The following CPNE8 variants were observed in gnomAD, a reference collection of about 807,000 sequenced individuals.
The protein encoded by CPNE8 is copine-8.
CPNE8 carries 45 observed loss-of-function variants against 81.5 expected under a neutral mutation model. That is an observed-to-expected ratio of 0.55 (90% CI 0.44 to 0.71). The LOEUF (loss-of-function observed/expected upper bound fraction) is 0.71. Among genes scored for constraint, CPNE8 ranks in the 30% least tolerant of loss-of-function variants. The probability of loss-of-function intolerance (pLI) is 0.00; values close to 1 mark genes in which losing one functional copy is unlikely to be tolerated. For missense variants in CPNE8, 594 were observed against 672.1 expected (o/e 0.88, Z 1.28); for synonymous variants, 252 against 226.3 (o/e 1.11, Z -1.02).
At chr12:38,802,770 A>G (rs1278615727) in intron 6 of CPNE8, among the ~76,000 whole-genome samples, 15 of 146,022 alleles carry the variant, frequency 1.0e-4, no homozygotes, top group Admixed American at 1.0e-3. Context: ...CAAGACTAAT[A>G]AAGAAAAAAA....
chr12:38,702,859 TA>T lies in CPNE8; in HGVS notation c.961+15del. ...ATTGCTGATGATTTTTATCAGGGGATAATCAAAACACTCACCGTTTGATGCT... is the reference window on the plus strand; with the variant it reads ...ATTGCTGATGATTTTTATCAGGGGATATCAAAACACTCACCGTTTGATGCT... On this transcript the variant is annotated intron_variant, in intron 14 of 19. Transcript: ENST00000331366. 1 of 1,476,898 alleles carries T rather than the reference TA, an allele frequency of 6.8e-7. No individual in the cohort carries two copies. Among genetic ancestry groups the T allele is most frequent in the Non-Finnish European group, 9.2e-7 (1 of 1,091,138 alleles). 91.5% of individuals were successfully genotyped at this position (1,476,898 alleles called of 1,614,324 possible).
At chr12:38,663,504 T>C (rs1939003227) in intron 19 of CPNE8, among the ~76,000 whole-genome samples, 1 of 151,870 alleles carries the variant, frequency 6.6e-6, no homozygotes, top group Non-Finnish European at 1.5e-5. Flanking sequence ...GACAAAAATG[T>C]CAAATATTGA....
chr12:38,662,469 T>C (rs747021003), intron 19 of CPNE8, among the ~76,000 whole-genome samples: 1 of 152,080 alleles, frequency 6.6e-6, no homozygotes, highest in Admixed American at 6.6e-5. Context: ...ATAAAAACTA[T>C]AAACCACTGA....
intron 10 of CPNE8, among the ~76,000 whole-genome samples, chr12:38,731,215 G>C (rs1940823581): frequency 6.6e-6 from 1 of 151,930 alleles, no homozygotes; most frequent in African/African-American, 2.4e-5. Flanking sequence ...ACAGATTGTA[G>C]GAGTGAAAGC....
chr12:38,712,671 T>C (rs550665356), intron 13 of CPNE8, among the ~76,000 whole-genome samples: 19 of 152,346 alleles, frequency 1.2e-4, no homozygotes, highest in African/African-American at 4.3e-4. Flanking sequence ...AGAAGCCCAC[T>C]TTAGCCTTTA....
chr12:38,877,443 T>G (rs1944083550), intron 1 of CPNE8, among the ~76,000 whole-genome samples: 2 of 152,056 alleles, frequency 1.3e-5, no homozygotes, highest in Non-Finnish European at 2.9e-5. Flanking sequence ...TGAGCTAGGA[T>G]GCCTGTAACT....
In CPNE8 at chr12:38,709,758, T is replaced by C. The variant is rs77540326; in HGVS notation, c.915-6837A>G. On this transcript the variant is annotated intron_variant, in intron 13 of 19. Transcript: ENST00000331366. ...GAATCTGATGCTCCCATGTCAGATT[T>C]CCTTTCCTTCACACCCACTAATAAG... Among the ~76,000 whole-genome samples, 109 of 152,308 alleles carry C rather than the reference T, an allele frequency of 7.2e-4. 1 individual carries two copies. The East Asian group carries it at 0.02, about 27-fold the overall frequency.
intron 1 of CPNE8, among the ~76,000 whole-genome samples, chr12:38,890,592 G>A (rs1213310776): frequency 2.0e-5 from 3 of 152,094 alleles, no homozygotes; most frequent in Non-Finnish European, 4.4e-5. Context: ...GAGTCTGGAA[G>A]AAGTACATTA....
intron 3 of CPNE8, among the ~76,000 whole-genome samples, chr12:38,868,615 A>G (rs939973424): frequency 1.3e-5 from 2 of 152,176 alleles, no homozygotes; most frequent in African/African-American, 4.8e-5. Flanking sequence ...TAAATGCGCT[A>G]TACTTTCAGG....
In CPNE8 at chr12:38,654,029, G is replaced by T; in HGVS notation, c.1548C>A (p.His516Gln). The T allele has an allele frequency of 1.9e-6, 3 of 1,612,120 alleles. No homozygotes were observed. The East Asian group carries it at 6.7e-5, about 36-fold the overall frequency. ...FRDYIDRSGN[H>Q]ILSMARLAKD... ...TAGCCAATCTAGCCATGCTCAGTAT[G>T]TGGTTTCCACTTCTGTCAATATAAT... is the stretch of plus-strand genomic sequence containing the variant. The change falls in exon 20 of 20, where the codon CAC becomes CAA. Residue 516 changes from histidine (H) to glutamine (Q), a missense_variant. Coordinates refer to ENST00000331366, the MANE Select transcript of CPNE8 (RefSeq NM_153634.3).
intron 6 of CPNE8, among the ~76,000 whole-genome samples, chr12:38,782,001 A>G (rs1942063643): frequency 2.0e-5 from 3 of 152,230 alleles, no homozygotes; most frequent in South Asian, 4.1e-4. Flanking sequence ...ATTCTGGTAT[A>G]AAAAGAACAT....
At chr12:38,796,122 C>T (rs182295093) in intron 6 of CPNE8, among the ~76,000 whole-genome samples, 3 of 152,076 alleles carry the variant, frequency 2.0e-5, no homozygotes, top group South Asian at 2.1e-4. Flanking sequence ...GCCATCTCTA[C>T]CAAAAACATA....
At chr12:38,784,915 C>A (rs1017376399) in intron 6 of CPNE8, among the ~76,000 whole-genome samples, 2 of 152,048 alleles carry the variant, frequency 1.3e-5, no homozygotes, top group African/African-American at 4.8e-5. Flanking sequence ...AAGGACCTTG[C>A]CTGGTGCGGT....
intron 1 of CPNE8, among the ~76,000 whole-genome samples, chr12:38,880,938 C>A (rs574289498): frequency 6.6e-6 from 1 of 152,158 alleles, no homozygotes; most frequent in South Asian, 2.1e-4. Flanking sequence ...AGGCCGGGAG[C>A]GGTGGCTCAT....
chr12:38,657,553 A>G (rs979793910), intron 19 of CPNE8, among the ~76,000 whole-genome samples: 2 of 152,192 alleles, frequency 1.3e-5, no homozygotes, highest in African/African-American at 4.8e-5. Context: ...TTGAGCTCTG[A>G]GAACGAACAG....
intron 9 of CPNE8, among the ~76,000 whole-genome samples, chr12:38,761,556 G>T (rs1168161998): frequency 6.6e-6 from 1 of 152,152 alleles, no homozygotes; most frequent in East Asian, 1.9e-4. Context: ...TCTATCATAT[G>T]TAACAAAATG....
intron 3 of CPNE8, among the ~76,000 whole-genome samples, chr12:38,855,433 G>C (rs1943715032): frequency 6.6e-6 from 1 of 152,026 alleles, no homozygotes; most frequent in African/African-American, 2.4e-5. Flanking sequence ...TGACAAAAAA[G>C]AACAAAGCTG....
At chr12:38,830,622 A>G (rs1397103918) in intron 5 of CPNE8, among the ~76,000 whole-genome samples, 2 of 152,236 alleles carry the variant, frequency 1.3e-5, no homozygotes, top group East Asian at 1.9e-4. Flanking sequence ...AACACGACCA[A>G]GAAAATTCCT....
chr12:38,694,605 ACTG>A (rs1395351654), intron 14 of CPNE8, among the ~76,000 whole-genome samples: 1 of 152,226 alleles, frequency 6.6e-6, no homozygotes, highest in Admixed American at 6.5e-5. Context: ...AAATGCTTAT[ACTG>A]TGTAGGATGT....
Sources: gnomAD v4.1 joint callset for allele counts (sites outside exome capture counted in the v4.1 genomes callset) on GRCh38, gnomAD v4.1.1 for gene constraint, MANE v1.5 for transcripts, NCBI Gene and HGNC (gene_info 2026-07-23, HGNC 2026-07-21) for gene names.